USP30: variants seen among roughly 807,000 people sequenced by gnomAD.
The protein encoded by USP30 is ubiquitin specific peptidase 30, also known as ubiquitin carboxyl-terminal hydrolase 30.
In USP30, 41 loss-of-function variants were observed where a neutral mutation model predicts 68.2. The ratio of observed to expected loss-of-function variants is 0.60; its 90% CI spans 0.47 to 0.78. The LOEUF is 0.78. Among genes scored for constraint, USP30 ranks in the 30% least tolerant of loss-of-function variants. The pLI is 0.00. For missense variants in USP30, 522 were observed against 649.4 expected, an observed-to-expected ratio of 0.80 and a Z score of 2.13; for synonymous variants, 229 against 253.7, an observed-to-expected ratio of 0.90 and a Z score of 0.93.
intron 3 of USP30, among the ~76,000 whole-genome samples, chr12:109,038,982 A>T (rs952461088): frequency 1.3e-5 from 2 of 152,204 alleles, no homozygotes; most frequent in African/African-American, 4.8e-5. Context: ...GAATTGCAAG[A>T]GTTCTTTACA....
chr12:109,039,199 G>A (rs189608690), intron 3 of USP30, among the ~76,000 whole-genome samples: 550 of 152,098 alleles, frequency 3.6e-3, no homozygotes, highest in African/African-American at 0.012. Context: ...ATTTTTCTCC[G>A]TTTTCCTCAG....
rs1028638672 is a variant in USP30 at position 109,070,409 on chromosome 12, T to C, written c.481-1203T>C. On this transcript the variant is annotated intron_variant, in intron 4 of 12. Transcript: ENST00000257548. This position sits in a 1 kb window ranked among gnomAD's most constrained non-coding sequence, Gnocchi z 4.0. Reference sequence around the variant, plus strand: ...GCTCTTTTGGCAGAGACCTGAAGGATAGGAGGTAGCCGTGCGAAGGTCTGA... The same window carrying C: ...GCTCTTTTGGCAGAGACCTGAAGGACAGGAGGTAGCCGTGCGAAGGTCTGA... Among the ~76,000 whole-genome samples, 3 of 151,930 alleles carry C rather than the reference T, an allele frequency of 2.0e-5. No homozygotes were observed. Among genetic ancestry groups the C allele is most frequent in the Non-Finnish European group, 2.9e-5 (2 of 67,980 alleles).
chr12:109,069,655 G>A (rs1025029678), intron 4 of USP30, among the ~76,000 whole-genome samples: 1 of 152,232 alleles, frequency 6.6e-6, no homozygotes, highest in Non-Finnish European at 1.5e-5. Context: ...TGGTATTCCA[G>A]TGGGGGATGA....
intron 9 of USP30, 67 bp from the exon 10 acceptor site, chr12:109,082,595 TG>T: frequency 6.7e-7 from 1 of 1,489,786 alleles, no homozygotes; most frequent in Non-Finnish European, 9.2e-7. Context: ...AACACCACTG[TG>T]GTCTGCAGCA....
intron 3 of USP30, among the ~76,000 whole-genome samples, chr12:109,029,614 C>T (rs563927143): frequency 6.6e-6 from 1 of 152,302 alleles, no homozygotes; most frequent in East Asian, 1.9e-4. Context: ...TCCACCCTCC[C>T]TCCGTGCCTG....
intron 6 of USP30, 57 bp downstream of exon 6, chr12:109,072,407 A>G (rs1257740696): frequency 7.7e-6 from 12 of 1,549,046 alleles, no homozygotes; most frequent in Non-Finnish European, 9.8e-6. Context: ...AGATATGATA[A>G]TAATTTGCTT....
chr12:109,044,573 G>A (rs2040587667), intron 3 of USP30, among the ~76,000 whole-genome samples: 1 of 151,854 alleles, frequency 6.6e-6, no homozygotes, highest in African/African-American at 2.4e-5. Flanking sequence ...GGAGTTCAAG[G>A]CTGCAGTGAG....
chr12:109,030,324 A>C (rs969301695), intron 3 of USP30, among the ~76,000 whole-genome samples: 2 of 152,188 alleles, frequency 1.3e-5, no homozygotes, highest in African/African-American at 2.4e-5. Context: ...TGGATTAAAC[A>C]AGATGATGGA....
chr12:109,074,859 A>G (rs1031098293), intron 7 of USP30, among the ~76,000 whole-genome samples: 2 of 152,182 alleles, frequency 1.3e-5, no homozygotes, highest in Admixed American at 6.5e-5. Flanking sequence ...GAAGGTTTGC[A>G]TCTTTGAGCA....
upstream of USP30, among the ~76,000 whole-genome samples, chr12:109,051,537 C>G (rs1488702068): frequency 8.5e-6 from 1 of 117,174 alleles, no homozygotes; most frequent in Non-Finnish European, 1.7e-5. Flanking sequence ...TCCCAAAGTG[C>G]TGGGATTACA....
Position 109,067,201 on chromosome 12 carries a change from C to T in USP30, c.377-323C>T, listed in dbSNP as rs191906714. Among the ~76,000 whole-genome samples the T allele has an allele frequency of 2.7e-5, 4 of 150,446 alleles. No homozygotes were observed. The East Asian group carries it at 7.8e-4, about 29-fold the overall frequency. On this transcript the variant is annotated intron_variant, in intron 3 of 12. Coordinates refer to ENST00000257548, the MANE Select transcript of USP30 (RefSeq NM_032663.5). ...CGATGTCTGCTCACTGCAAGCTCCG[C>T]CTCCCGGGTTCATGCCATTCTCCTG...
At chr12:109,060,829 A>G (rs2041041301) in intron 3 of USP30, among the ~76,000 whole-genome samples, 1 of 151,938 alleles carries the variant, frequency 6.6e-6, no homozygotes, top group Non-Finnish European at 1.5e-5. Context: ...TAGTTTTTGT[A>G]TTTTTAGTAG....
chr12:109,080,720 A>T (rs2041771990), intron 7 of USP30, among the ~76,000 whole-genome samples: 1 of 152,228 alleles, frequency 6.6e-6, no homozygotes, highest in African/African-American at 2.4e-5. Flanking sequence ...CACATATATG[A>T]TGGTGGTCCC....
chr12:109,029,350 T>C (rs1290075213), intron 3 of USP30, among the ~76,000 whole-genome samples: 3 of 152,096 alleles, frequency 2.0e-5, no homozygotes, highest in Non-Finnish European at 4.4e-5. Flanking sequence ...AGACTAAAAG[T>C]TTTTAAGGGT....
chr12:109,052,424 C>T (rs2040688879), upstream of USP30: 1 of 374,174 alleles, frequency 2.7e-6, no homozygotes, highest in South Asian at 8.4e-5. Context: ...CCCCAGGCAA[C>T]TGAGCCCAGC....
intron 3 of USP30, among the ~76,000 whole-genome samples, chr12:109,060,802 G>A (rs1187381962): frequency 6.6e-6 from 1 of 152,010 alleles, no homozygotes. Flanking sequence ...TTACAGGCAT[G>A]CCCCACCACG....
chr12:109,075,470 T>C (rs1396734422), intron 7 of USP30, among the ~76,000 whole-genome samples: 1 of 152,044 alleles, frequency 6.6e-6, no homozygotes, highest in Non-Finnish European at 1.5e-5. Context: ...CCCACCACAG[T>C]CTCCCAAGTA....
Position 109,065,567 on chromosome 12 carries a change from A to G in USP30, c.377-1957A>G, listed in dbSNP as rs187067828. Reference sequence around the variant, plus strand: ...TATATGACAAAAACGGAGGTACTGAACAGAATTATAACATTTTCCATACAA... The same window carrying G: ...TATATGACAAAAACGGAGGTACTGAGCAGAATTATAACATTTTCCATACAA... On this transcript the variant is annotated intron_variant, in intron 3 of 12. Coordinates refer to ENST00000257548, the MANE Select transcript of USP30 (RefSeq NM_032663.5). 2.8e-3 allele frequency among the ~76,000 whole-genome samples: 425 copies of G among 152,336 alleles called. 6 individuals are homozygous for G. Among genetic ancestry groups the G allele is most frequent in the Non-Finnish European group, 1.3e-3 (91 of 68,042 alleles).
intron 1 of USP30, 37 bp from the exon 2 acceptor site, chr12:109,056,645 G>A: frequency 1.3e-6 from 2 of 1,494,504 alleles, no homozygotes; most frequent in Admixed American, 1.9e-5. Flanking sequence ...TTTTGTGTTT[G>A]TGTGAGGGAA....
Sources: gnomAD v4.1 joint callset for allele counts (sites outside exome capture counted in the v4.1 genomes callset) on GRCh38, gnomAD v4.1.1 for gene constraint, Gnocchi (gnomAD v3.1) non-coding constraint, MANE v1.5 for transcripts, NCBI Gene and HGNC (gene_info 2026-07-23, HGNC 2026-07-21) for gene names.